Variants in SLC6A3 observed in about 807,000 individuals in gnomAD.
SLC6A3 encodes the protein sodium-dependent dopamine transporter.
Under a neutral mutation model 70.4 loss-of-function variants are expected in SLC6A3, and 19 were observed. The observed-to-expected ratio is 0.27, with a 90% confidence interval of 0.19 to 0.40. The LOEUF is 0.40. SLC6A3 is among the 10% of genes least tolerant of loss of function. The pLI is 1.00. For missense variants in SLC6A3, 613 were observed against 838.5 expected (o/e 0.73, Z 3.32); for synonymous variants, 368 against 356.6 (o/e 1.03, Z -0.36).
chr5:1,422,611 T>C (rs74715989), intron 4 of SLC6A3, among the ~76,000 whole-genome samples: 633 of 27,704 alleles, frequency 0.023, 72 homozygotes, highest in African/African-American at 0.052. Context: ...GTGCTGCCCA[T>C]GGTGCTGGGT....
intron 4 of SLC6A3, among the ~76,000 whole-genome samples, chr5:1,429,251 G>A (rs567324903): frequency 6.6e-6 from 1 of 152,350 alleles, no homozygotes; most frequent in East Asian, 1.9e-4. Context: ...AGTCCCACTG[G>A]TGGGAAAATC....
At chr5:1,410,498 G>T (rs11564762) in intron 9 of SLC6A3, among the ~76,000 whole-genome samples, 22,538 of 151,948 alleles carry the variant, frequency 0.15, 1,926 homozygotes, top group Non-Finnish European at 0.2. Context: ...GTCCCAAGCA[G>T]CTGACAGGGA....
chr5:1,430,449 C>T (rs946873863), intron 4 of SLC6A3, among the ~76,000 whole-genome samples: 6 of 152,230 alleles, frequency 3.9e-5, no homozygotes, highest in Admixed American at 1.3e-4. Flanking sequence ...AATTCTAGAA[C>T]CAAGCACTTG....
In SLC6A3 at chr5:1,402,772, A is replaced by G. The variant is rs1755880034; in HGVS notation, c.1767+150T>C. On this transcript the variant is annotated intron_variant, in intron 13 of 14. Transcript: ENST00000270349. The surrounding 1 kb of genome is among the most constrained non-coding windows in gnomAD (Gnocchi z 8.5). The stretch of plus-strand genomic sequence containing the variant: ...GGCGTGCAGGTGGACACACACACGC[A>G]CACACACACACAGTGTTGTGGTGGC... The G allele has an allele frequency of 1.2e-5, 8 of 666,166 alleles. No individual in the cohort carries two copies. Among genetic ancestry groups the G allele is most frequent in the Non-Finnish European group, 2.1e-5 (8 of 383,628 alleles). 41.3% of individuals were successfully genotyped at this position (666,166 alleles called of 1,614,324 possible). A position where few individuals can be genotyped will look rare whatever the true frequency, so the allele number is the denominator to read the frequency against.
Position 1,419,323 on chromosome 5 carries a change from T to TCATCCATCCATCCATCCATC in SLC6A3, c.927+1226_927+1245dup, listed in dbSNP as rs59372317. Among the ~76,000 whole-genome samples, 305 of 142,964 alleles carry TCATCCATCCATCCATCCATC rather than the reference T, an allele frequency of 2.1e-3. 2 individuals carry two copies. The highest frequency in any genetic ancestry group is 3.1e-3 in the Non-Finnish European group (203 of 65,718). 93.8% of individuals were successfully genotyped at this position (142,964 alleles called of 152,430 possible). On this transcript the variant is annotated intron_variant, in intron 6 of 14. Transcript: ENST00000270349. Reference sequence around the variant, plus strand: ...TCCTATCCACCTACTTACCTAGCATTCATCCATCCATCCATCCATCCATCC... The same window carrying TCATCCATCCATCCATCCATC: ...TCCTATCCACCTACTTACCTAGCATTCATCCATCCATCCATCCATCCATCCATCCATCCATCCATCCATCC...
chr5:1,434,192 AC>A (rs1303904027), intron 3 of SLC6A3, among the ~76,000 whole-genome samples: 1 of 152,116 alleles, frequency 6.6e-6, no homozygotes, highest in Non-Finnish European at 1.5e-5. Context: ...TCCTAGAATC[AC>A]CCAGGGCCAC....
chr5:1,397,023 TA>T lies in SLC6A3; in HGVS notation c.1840-2266del, dbSNP rs1755738089. Reference sequence around the variant, plus strand: ...TTGTTACGGTGACAAATTAATAATTTAAAAATGGCCACATGTGGATTAATGA... The same window carrying T: ...TTGTTACGGTGACAAATTAATAATTTAAAATGGCCACATGTGGATTAATGA... On this transcript the variant is annotated intron_variant, in intron 14 of 14. Transcript: ENST00000270349. The surrounding 1 kb of genome is among the most constrained non-coding windows in gnomAD (Gnocchi z 4.7). 2.0e-5 allele frequency among the ~76,000 whole-genome samples: 3 copies of T among 152,074 alleles called. No homozygotes were observed. The highest frequency in any genetic ancestry group is 4.4e-5 in the Non-Finnish European group (3 of 68,000).
At position 1,401,062 on chromosome 5, in the gene SLC6A3, C is replaced by A. The variant is rs28363147; in HGVS notation, c.1768-76G>T. 1.2e-3 allele frequency: 1,361 copies of A among 1,129,510 alleles called. 11 individuals carry two copies. The African/African-American group carries it at 0.016, about 13-fold the overall frequency. 70.0% of individuals were successfully genotyped at this position (1,129,510 alleles called of 1,614,324 possible). On this transcript the variant is annotated intron_variant, in intron 13 of 14. Transcript: ENST00000270349. This position sits in a 1 kb window ranked among gnomAD's most constrained non-coding sequence, Gnocchi z 6.1. ...AGCACCCACCACTGACTCACACTGC[C>A]AGGACCCTCACCTACCAGCACCCTC...
At position 1,402,893 on chromosome 5, in the gene SLC6A3, G is replaced by A. The variant is rs745500112; in HGVS notation, c.1767+29C>T. 88 of 1,610,022 alleles carry A rather than the reference G, an allele frequency of 5.5e-5. No homozygotes were observed. Among genetic ancestry groups the A allele is most frequent in the African/African-American group, 8.0e-5 (6 of 74,822 alleles). ...GAGCCTTTCTGGTGGCCTCACACTC[G>A]GGTGAAGGCGCCCCGTCCAAATACC... On this transcript the variant is annotated intron_variant, in intron 13 of 14. Transcript: ENST00000270349. This position sits in a 1 kb window ranked among gnomAD's most constrained non-coding sequence, Gnocchi z 8.5.
At chr5:1,395,957 A>C (rs1480442187) in intron 14 of SLC6A3, among the ~76,000 whole-genome samples, 4 of 152,226 alleles carry the variant, frequency 2.6e-5, no homozygotes, top group Non-Finnish European at 5.9e-5. Flanking sequence ...AGCCCACTCT[A>C]AGTGAGTCCC....
Position 1,403,096 on chromosome 5 carries a change from C to T in SLC6A3, c.1600-7G>A. On this transcript the variant is annotated splice_region_variant and splice_polypyrimidine_tract_variant and intron_variant, in intron 12 of 14. Transcript: ENST00000270349. ...TGCTGACCACGACCACGAACTGCAACCAGCAGATACGGAGGTCAGGCAGCT... is the reference window on the plus strand; with the variant it reads ...TGCTGACCACGACCACGAACTGCAATCAGCAGATACGGAGGTCAGGCAGCT... The T allele has an allele frequency of 8.1e-6, 13 of 1,613,140 alleles. No homozygotes were observed. Among genetic ancestry groups the T allele is most frequent in the Non-Finnish European group, 1.1e-5 (13 of 1,179,846 alleles).
In SLC6A3 at chr5:1,402,750, G is replaced by A. The variant is rs556119151; in HGVS notation, c.1767+172C>T. Among the ~76,000 whole-genome samples, 464 of 152,240 alleles carry A rather than the reference G, an allele frequency of 3.0e-3. 2 individuals carry two copies. The highest frequency in any genetic ancestry group is 6.7e-3 in the African/African-American group (278 of 41,528). On this transcript the variant is annotated intron_variant, in intron 13 of 14. Coordinates refer to ENST00000270349, the MANE Select transcript of SLC6A3 (RefSeq NM_001044.5). This position sits in a 1 kb window ranked among gnomAD's most constrained non-coding sequence, Gnocchi z 8.5. ...TGGACGCACACCCATGGGCCCGGGC[G>A]TGCAGGTGGACACACACACGCACAC... is the stretch of plus-strand genomic sequence containing the variant.
At position 1,404,887 on chromosome 5, in the gene SLC6A3, T is replaced by C. The variant is rs1168298534; in HGVS notation, c.1599+1301A>G. Among the ~76,000 whole-genome samples, 1 of 152,238 alleles carries C rather than the reference T, an allele frequency of 6.6e-6. No individual in the cohort carries two copies. The highest frequency in any genetic ancestry group is 2.4e-5 in the African/African-American group (1 of 41,468). On this transcript the variant is annotated intron_variant, in intron 12 of 14. Coordinates refer to ENST00000270349, the MANE Select transcript of SLC6A3 (RefSeq NM_001044.5). This position sits in a 1 kb window ranked among gnomAD's most constrained non-coding sequence, Gnocchi z 5.2. ...GATTTAGTCTAAGATCAGTAGAACA[T>C]TTTATCTCCTAAGATCGAGGTCAGC... is the stretch of plus-strand genomic sequence containing the variant.
rs1755866324 is a variant in SLC6A3 at position 1,402,208 on chromosome 5, G to C, written c.1767+714C>G. Among the ~76,000 whole-genome samples the C allele has an allele frequency of 6.6e-6, 1 of 151,820 alleles. No individual in the cohort carries two copies. Among genetic ancestry groups the C allele is most frequent in the Non-Finnish European group, 1.5e-5 (1 of 67,948 alleles). ...AGCTTCCGGGAGTTCCCAGTGGTGGGATCTCAGGTGAGGGCGACCCTCTTC... is the reference window on the plus strand; with the variant it reads ...AGCTTCCGGGAGTTCCCAGTGGTGGCATCTCAGGTGAGGGCGACCCTCTTC... On this transcript the variant is annotated intron_variant, in intron 13 of 14. Transcript: ENST00000270349. The surrounding 1 kb of genome is among the most constrained non-coding windows in gnomAD (Gnocchi z 8.5).
chr5:1,415,972 G>A (rs903660908), intron 7 of SLC6A3, 126 bp downstream of exon 7: 44 of 740,232 alleles, frequency 5.9e-5, no homozygotes, highest in African/African-American at 2.4e-4. Context: ...GAAAGGCCAC[G>A]CAGCTCACAG....
intron 14 of SLC6A3, among the ~76,000 whole-genome samples, chr5:1,398,246 A>G (rs1755768151): frequency 6.6e-6 from 1 of 151,988 alleles, no homozygotes; most frequent in Non-Finnish European, 1.5e-5. Context: ...CTGTAATCCC[A>G]GCCACTTGAG....
rs548541059 is a variant in SLC6A3, at chr5:1,420,155, C to T, written c.927+414G>A. On this transcript the variant is annotated intron_variant, in intron 6 of 14. Coordinates refer to ENST00000270349, the MANE Select transcript of SLC6A3 (RefSeq NM_001044.5). Reference sequence around the variant, plus strand: ...AGTCCACCTGATTTCCAACGATGCCCCAAGGGAGCTGCCATTTTTGTCATG... The same window carrying T: ...AGTCCACCTGATTTCCAACGATGCCTCAAGGGAGCTGCCATTTTTGTCATG... 2.6e-5 allele frequency among the ~76,000 whole-genome samples: 4 copies of T among 152,308 alleles called. No homozygotes were observed. In the South Asian group the frequency reaches 8.3e-4, roughly 32 times the overall value.
intron 8 of SLC6A3, among the ~76,000 whole-genome samples, chr5:1,412,801 G>A (rs1226014284): frequency 2.0e-5 from 3 of 152,232 alleles, no homozygotes; most frequent in African/African-American, 7.2e-5. Flanking sequence ...CCAGAGCCAG[G>A]GGCCGTTCCT....
rs563207652 is a variant in SLC6A3 at position 1,393,926 on chromosome 5, C to T, written c.*809G>A. 21 of 153,404 alleles carry T rather than the reference C, an allele frequency of 1.4e-4. No individual in the cohort carries two copies. The highest frequency in any genetic ancestry group is 3.2e-4 in the African/African-American group (13 of 40,644). 9.5% of individuals were successfully genotyped at this position (153,404 alleles called of 1,614,324 possible). The stretch of plus-strand genomic sequence containing the variant: ...CTCCTGTGGGGGCCCTGCATGCGTC[C>T]GGGGATAGGACACGCTCCTGTGGGG... On this transcript the variant is annotated 3_prime_UTR_variant, in exon 15 of 15. Transcript: ENST00000270349.
Sources: allele counts gnomAD v4.1 joint callset (sites outside exome capture counted in the v4.1 genomes callset), GRCh38; gene constraint gnomAD v4.1.1; non-coding constraint Gnocchi (gnomAD v3.1); transcripts MANE v1.5; gene names NCBI Gene and HGNC (gene_info 2026-07-23, HGNC 2026-07-21).